Variants in CMSS1 observed in about 807,000 individuals in gnomAD.
CMSS1 encodes protein CMSS1.
Under a neutral mutation model 43.5 loss-of-function variants are expected in CMSS1, and 33 were observed. The observed-to-expected ratio is 0.76, with a 90% CI of 0.57 to 1.01. CMSS1 has a LOEUF of 1.01. CMSS1 is among the 50% of genes least tolerant of loss of function. CMSS1 has a pLI of 0.00. For missense variants in CMSS1, 313 were observed against 326.4 expected (o/e 0.96, Z 0.32); for synonymous variants, 115 against 117.2 (o/e 0.98, Z 0.12).
intron 1 of CMSS1, among the ~76,000 whole-genome samples, chr3:99,830,786 G>T (rs1192061688): frequency 6.6e-6 from 1 of 152,200 alleles, no homozygotes; most frequent in Non-Finnish European, 1.5e-5. Context: ...TCTGGTGTGT[G>T]TTGAATGTGT....
chr3:99,912,771 T>G (rs1706833025), intron 1 of CMSS1, among the ~76,000 whole-genome samples: 1 of 152,230 alleles, frequency 6.6e-6, no homozygotes, highest in Non-Finnish European at 1.5e-5. Flanking sequence ...ACATTTGGGT[T>G]GTTTTCACTT....
At chr3:99,929,726 G>T in intron 1 of CMSS1, 1 of 600,512 alleles carries the variant, frequency 1.7e-6, no homozygotes, top group African/African-American at 1.9e-5. Flanking sequence ...GTATTTATCT[G>T]TTTTGTGTAG....
At chr3:99,872,024 CCTACAGTA>C (rs1944814250) in intron 1 of CMSS1, among the ~76,000 whole-genome samples, 1 of 151,964 alleles carries the variant, frequency 6.6e-6, no homozygotes, top group South Asian at 2.1e-4. Context: ...TAAATTAACA[CCTACAGTA>C]CTGAGGCTTT....
intron 1 of CMSS1, among the ~76,000 whole-genome samples, chr3:100,021,915 T>TTGTGTGTGTGTGTG (rs61704772): frequency 9.4e-6 from 1 of 105,958 alleles, no homozygotes; most frequent in African/African-American, 4.0e-5. Context: ...CTAGATCCCA[T>TTGTGTGTGTGTGTG]TGTGTGTGTG....
At chr3:99,955,226 A>G (rs1051422309) in intron 1 of CMSS1, among the ~76,000 whole-genome samples, 21 of 152,232 alleles carry the variant, frequency 1.4e-4, no homozygotes, top group African/African-American at 4.3e-4. Flanking sequence ...CTCTGTAGTA[A>G]TAAAGTGGCA....
At chr3:100,139,198 A>AG (rs2066781428) in intron 1 of CMSS1, among the ~76,000 whole-genome samples, 1 of 152,068 alleles carries the variant, frequency 6.6e-6, no homozygotes, top group African/African-American at 2.4e-5. Flanking sequence ...TTGTTGGGTG[A>AG]GGGGTGAAGG....
At chr3:100,112,781 T>C (rs1014415686) in intron 1 of CMSS1, among the ~76,000 whole-genome samples, 4 of 152,216 alleles carry the variant, frequency 2.6e-5, no homozygotes, top group African/African-American at 9.6e-5. Flanking sequence ...TTGCTGCCTT[T>C]AGAAGTTTTT....
chr3:99,930,354 A>G (rs536769774), intron 1 of CMSS1, among the ~76,000 whole-genome samples: 2 of 152,292 alleles, frequency 1.3e-5, no homozygotes, highest in South Asian at 4.2e-4. Flanking sequence ...ATTCTCCTAT[A>G]TGTGTACCAG....
intron 1 of CMSS1, among the ~76,000 whole-genome samples, chr3:99,894,172 A>G (rs1020745914): frequency 1.3e-5 from 2 of 152,240 alleles, no homozygotes; most frequent in African/African-American, 4.8e-5. Flanking sequence ...TTGGAGAGGT[A>G]TTAATAGAAA....
intron 1 of CMSS1, among the ~76,000 whole-genome samples, chr3:99,896,180 G>A (rs909171424): frequency 6.6e-6 from 1 of 152,170 alleles, no homozygotes; most frequent in African/African-American, 2.4e-5. Context: ...CATTCCGTCT[G>A]CTATTTCATG....
At position 100,139,165 on chromosome 3, in the gene CMSS1, G is replaced by A. The variant is rs540789644; in HGVS notation, c.65-7808G>A. Among the ~76,000 whole-genome samples the A allele has an allele frequency of 7.2e-5, 11 of 152,166 alleles. No homozygotes were observed. The East Asian group carries it at 2.1e-3, about 29-fold the overall frequency. On this transcript the variant is annotated intron_variant, in intron 1 of 9. Transcript: ENST00000421999. ...ATGAGAACATGTGGACACAGGGAGG[G>A]GACCATCACACACCAGGGCCTGTTG... is the stretch of plus-strand genomic sequence containing the variant.
chr3:99,960,453 G>GA (rs1708457492), intron 1 of CMSS1, among the ~76,000 whole-genome samples: 1 of 152,124 alleles, frequency 6.6e-6, no homozygotes, highest in African/African-American at 2.4e-5. Flanking sequence ...ACCCACAGGG[G>GA]AAAAATCAAA....
At chr3:99,885,075 C>G (rs1326259445) in intron 1 of CMSS1, among the ~76,000 whole-genome samples, 1 of 152,192 alleles carries the variant, frequency 6.6e-6, no homozygotes, top group South Asian at 2.1e-4. Context: ...CAGCAGTCAA[C>G]TATAGGCTCA....
intron 1 of CMSS1, among the ~76,000 whole-genome samples, chr3:99,837,083 C>T (rs1423621555): frequency 2.6e-5 from 4 of 152,194 alleles, no homozygotes; most frequent in African/African-American, 9.7e-5. Flanking sequence ...AATCAGCAGC[C>T]TCAGAAGCAT....
At chr3:99,863,955 A>T (rs1468117578) in intron 1 of CMSS1, among the ~76,000 whole-genome samples, 1 of 152,234 alleles carries the variant, frequency 6.6e-6, no homozygotes, top group African/African-American at 2.4e-5. Context: ...CCATTGGATC[A>T]GTGTTCTTAA....
intron 1 of CMSS1, among the ~76,000 whole-genome samples, chr3:100,117,874 T>TATATATATAC (rs2066588956): frequency 7.7e-6 from 1 of 130,070 alleles, no homozygotes; most frequent in Non-Finnish European, 1.6e-5. Flanking sequence ...TATATATATA[T>TATATATATAC]ATATACACAT....
intron 1 of CMSS1, among the ~76,000 whole-genome samples, chr3:100,070,463 C>T (rs186813342): frequency 3.3e-5 from 5 of 152,236 alleles, no homozygotes; most frequent in Non-Finnish European, 5.9e-5. Context: ...GATTTATTCT[C>T]CCCATCAGTT....
At chr3:100,078,407 GT>G (rs2065882299) in intron 1 of CMSS1, among the ~76,000 whole-genome samples, 1 of 152,024 alleles carries the variant, frequency 6.6e-6, no homozygotes, top group Non-Finnish European at 1.5e-5. Context: ...AAACATAATG[GT>G]TGTCTTAATT....
At chr3:99,934,910 A>G (rs1042640798) in intron 1 of CMSS1, among the ~76,000 whole-genome samples, 2 of 152,236 alleles carry the variant, frequency 1.3e-5, no homozygotes, top group African/African-American at 4.8e-5. Context: ...TGGGGATAGT[A>G]GCATCAACAT....
Sources: gnomAD v4.1 joint callset for allele counts (sites outside exome capture counted in the v4.1 genomes callset) on GRCh38, gnomAD v4.1.1 for gene constraint, MANE v1.5 for transcripts, NCBI Gene and HGNC (gene_info 2026-07-23, HGNC 2026-07-21) for gene names.